RBMS3: variants seen among roughly 807,000 people sequenced by gnomAD.
RBMS3 encodes RNA-binding motif, single-stranded-interacting protein 3.
A neutral mutation model predicts 66.8 loss-of-function variants in RBMS3; 27 were observed. The ratio of observed to expected loss-of-function variants is 0.40; its 90% CI spans 0.30 to 0.56. RBMS3 has a LOEUF of 0.56. Among genes scored for constraint, RBMS3 ranks in the 20% least tolerant of loss-of-function variants. The probability of loss-of-function intolerance (pLI) is 0.40; values close to 1 mark genes in which losing one functional copy is unlikely to be tolerated. For synonymous variants in RBMS3, 188 were observed against 183.0 expected (o/e 1.03, Z -0.22); for missense variants, 513 against 549.5 (o/e 0.93, Z 0.66).
chr3:29,632,404 A>G (rs2049318339), intron 4 of RBMS3, among the ~76,000 whole-genome samples: 1 of 151,906 alleles, frequency 6.6e-6, no homozygotes. Flanking sequence ...ACTGAATCTG[A>G]TTATAATTGT....
chr3:29,496,643 G>T (rs1344636550), intron 3 of RBMS3, among the ~76,000 whole-genome samples: 6 of 152,108 alleles, frequency 3.9e-5, no homozygotes, highest in African/African-American at 1.4e-4. Context: ...ACAACTAAAG[G>T]CAATACTTCT....
At chr3:29,783,529 A>T (rs923477063) in intron 6 of RBMS3, among the ~76,000 whole-genome samples, 3 of 152,176 alleles carry the variant, frequency 2.0e-5, no homozygotes, top group Non-Finnish European at 4.4e-5. Flanking sequence ...CAGCACTACA[A>T]TAACTGTTAA....
intron 4 of RBMS3, among the ~76,000 whole-genome samples, chr3:29,703,758 A>G (rs1008282485): frequency 1.3e-4 from 20 of 152,202 alleles, no homozygotes; most frequent in Admixed American, 3.9e-4. Flanking sequence ...TTAAATATTC[A>G]TTTAATCCAG....
At position 29,548,346 on chromosome 3, in the gene RBMS3, C is replaced by G. The variant is rs1355908845; in HGVS notation, c.308-38768C>G. ...TCAGGAGGCTCAGGTGGGAAGATCT[C>G]TTGAGCCCAGGATTTCAAAGTTACG... is the stretch of plus-strand genomic sequence containing the variant. On this transcript the variant is annotated intron_variant, in intron 3 of 14. Transcript: ENST00000383767. Among the ~76,000 whole-genome samples the G allele has an allele frequency of 2.6e-5, 4 of 151,720 alleles. No individual in the cohort carries two copies. The East Asian group carries it at 7.8e-4, about 30-fold the overall frequency.
chr3:29,918,543 G>T (rs1029333569), intron 10 of RBMS3, among the ~76,000 whole-genome samples: 82 of 152,134 alleles, frequency 5.4e-4, no homozygotes, highest in African/African-American at 1.9e-3. Context: ...TATGTTGGGT[G>T]ATATGTCTGA....
At chr3:29,330,135 G>A (rs1021142557) in intron 1 of RBMS3, among the ~76,000 whole-genome samples, 10 of 151,936 alleles carry the variant, frequency 6.6e-5, no homozygotes, top group Non-Finnish European at 1.3e-4. Flanking sequence ...GACAGTGTTT[G>A]GACAAAACAG....
intron 1 of RBMS3, among the ~76,000 whole-genome samples, chr3:29,423,782 G>A (rs1483035726): frequency 9.9e-5 from 15 of 152,152 alleles, no homozygotes; most frequent in Non-Finnish European, 2.1e-4. Context: ...TTAATTACCT[G>A]TGAATTTAAA....
At chr3:29,507,335 C>G (rs2044221355) in intron 3 of RBMS3, among the ~76,000 whole-genome samples, 2 of 151,764 alleles carry the variant, frequency 1.3e-5, no homozygotes, top group African/African-American at 4.8e-5. Flanking sequence ...TGAATGCAAC[C>G]TTTGCTTTGT....
At chr3:29,696,755 G>A (rs557624902) in intron 4 of RBMS3, among the ~76,000 whole-genome samples, 54 of 152,210 alleles carry the variant, frequency 3.5e-4, no homozygotes, top group Non-Finnish European at 7.5e-4. Flanking sequence ...ATGGCGATCG[G>A]GACAAGAGCA....
chr3:29,400,698 A>C (rs756137965), intron 1 of RBMS3, among the ~76,000 whole-genome samples: 3 of 152,000 alleles, frequency 2.0e-5, no homozygotes, highest in Non-Finnish European at 2.9e-5. Context: ...GTGAAAATGG[A>C]AGTTGGAAAT....
intron 3 of RBMS3, among the ~76,000 whole-genome samples, chr3:29,527,500 T>G (rs12634441): frequency 0.046 from 7,005 of 152,264 alleles, 215 homozygotes; most frequent in South Asian, 0.1. Flanking sequence ...GGGCTCAGTA[T>G]GTATGAGGCA....
intron 1 of RBMS3, among the ~76,000 whole-genome samples, chr3:29,349,034 C>T (rs1039282161): frequency 3.9e-5 from 6 of 152,064 alleles, no homozygotes; most frequent in African/African-American, 7.2e-5. Flanking sequence ...TAGGGAAGTT[C>T]GTACTTGACT....
rs2149804616 is a variant in RBMS3, at chr3:29,992,334, C to T, written c.1307+1125C>T. 1.3e-5 allele frequency among the ~76,000 whole-genome samples: 2 copies of T among 152,252 alleles called. 1 individual carries two copies. The highest frequency in any genetic ancestry group is 2.9e-5 in the Non-Finnish European group (2 of 68,008). ...GGGCGCAGTGGCTCACGCCTGTAAT[C>T]CCAGCACTATGGGAGGCCGAGGCGG... On this transcript the variant is annotated intron_variant, in intron 14 of 14. Transcript: ENST00000383767.
chr3:29,704,998 C>A (rs1196264396), intron 4 of RBMS3, among the ~76,000 whole-genome samples: 1 of 152,166 alleles, frequency 6.6e-6, no homozygotes, highest in Non-Finnish European at 1.5e-5. Flanking sequence ...AAACTGTTAC[C>A]GCATGGTGTT....
intron 4 of RBMS3, among the ~76,000 whole-genome samples, chr3:29,596,304 C>A (rs1184510213): frequency 6.6e-6 from 1 of 152,286 alleles, no homozygotes; most frequent in East Asian, 1.9e-4. Context: ...ACTGAGAAAA[C>A]TACAGACTAC....
At chr3:29,333,506 A>C (rs1309110742) in intron 1 of RBMS3, among the ~76,000 whole-genome samples, 1 of 152,202 alleles carries the variant, frequency 6.6e-6, no homozygotes, top group African/African-American at 2.4e-5. Context: ...GACTGAGGGA[A>C]AAGTAAAACA....
intron 4 of RBMS3, among the ~76,000 whole-genome samples, chr3:29,597,941 A>G (rs2048012340): frequency 6.6e-6 from 1 of 152,166 alleles, no homozygotes; most frequent in African/African-American, 2.4e-5. Context: ...GTAACTGAAC[A>G]AAGTTGCTTG....
intron 12 of RBMS3, among the ~76,000 whole-genome samples, chr3:29,983,231 C>T (rs895685132): frequency 2.1e-5 from 3 of 141,332 alleles, no homozygotes; most frequent in East Asian, 4.1e-4. Flanking sequence ...GATTGCAACC[C>T]CCGCCCCCTT....
At chr3:29,689,404 A>G (rs533918388) in intron 4 of RBMS3, among the ~76,000 whole-genome samples, 37 of 152,192 alleles carry the variant, frequency 2.4e-4, no homozygotes, top group African/African-American at 8.9e-4. Context: ...ACTTATGAAA[A>G]TATGTGGTTT....
Sources: gnomAD v4.1 joint callset for allele counts (sites outside exome capture counted in the v4.1 genomes callset) on GRCh38, gnomAD v4.1.1 for gene constraint, MANE v1.5 for transcripts, NCBI Gene and HGNC (gene_info 2026-07-23, HGNC 2026-07-21) for gene names.